TMEM272: variants seen among roughly 807,000 people sequenced by gnomAD.
TMEM272 encodes transmembrane protein 272, also known as long intergenic non-protein coding RNA 282.
In TMEM272, 8 loss-of-function variants were observed where a neutral mutation model predicts 3.7. The observed-to-expected ratio is 2.17, with a 90% CI of 1.27 to 3.91. The LOEUF is 3.91. Among genes scored for constraint, TMEM272 ranks in the 30% most tolerant of loss-of-function variants. The pLI, the probability that TMEM272 is intolerant of heterozygous loss-of-function variation, is 0.00. For missense variants in TMEM272, 166 were observed against 91.5 expected, an observed-to-expected ratio of 1.81 and a Z score of -3.32; for synonymous variants, 63 against 39.8, an observed-to-expected ratio of 1.58 and a Z score of -2.20.
chr13:51,869,407 C>G, the TMEM272 span, among the ~76,000 whole-genome samples: 1 of 152,176 alleles, frequency 6.6e-6, no homozygotes, highest in South Asian at 2.1e-4. Flanking sequence ...GCTAGCTCCA[C>G]CCTTGTCCCT....
the TMEM272 span, among the ~76,000 whole-genome samples, chr13:51,924,910 G>T: frequency 6.6e-6 from 1 of 152,162 alleles, no homozygotes; most frequent in Non-Finnish European, 1.5e-5. Context: ...ATTGTGGGAG[G>T]AGAGATTCTG....
chr13:51,894,731 A>C, the TMEM272 span, among the ~76,000 whole-genome samples: 8 of 152,036 alleles, frequency 5.3e-5, no homozygotes, highest in African/African-American at 1.7e-4. Flanking sequence ...GTGGAAGACA[A>C]TTTTTCCATG....
At chr13:51,899,130 C>T in the TMEM272 span, among the ~76,000 whole-genome samples, 2 of 152,126 alleles carry the variant, frequency 1.3e-5, no homozygotes, top group African/African-American at 2.4e-5. Context: ...CCACAAAACA[C>T]GCTTTCAGAA....
chr13:51,926,813 T>G, the TMEM272 span, among the ~76,000 whole-genome samples: 1 of 152,182 alleles, frequency 6.6e-6, no homozygotes, highest in African/African-American at 2.4e-5. Context: ...CATTACTAGA[T>G]CATTCTGTGA....
intron 2 of TMEM272, among the ~76,000 whole-genome samples, chr13:51,832,205 G>T (rs1956178779): frequency 1.3e-5 from 2 of 152,284 alleles, no homozygotes; most frequent in African/African-American, 4.8e-5. Context: ...GCCCGTGATT[G>T]TCAGAGGGAG....
the TMEM272 span, among the ~76,000 whole-genome samples, chr13:51,881,456 T>C: frequency 2.6e-5 from 4 of 151,174 alleles, no homozygotes; most frequent in South Asian, 2.1e-4. Context: ...TGATGGAAAA[T>C]AGAAAGAGGA....
At chr13:51,821,002 T>C (rs80193825) in intron 4 of TMEM272, among the ~76,000 whole-genome samples, 1,749 of 152,328 alleles carry the variant, frequency 0.011, 38 homozygotes, top group African/African-American at 0.04. Flanking sequence ...GAGTTGAGCT[T>C]GTGGCTACCA....
At chr13:51,898,308 A>C in the TMEM272 span, among the ~76,000 whole-genome samples, 1 of 152,074 alleles carries the variant, frequency 6.6e-6, no homozygotes, top group Admixed American at 6.5e-5. Flanking sequence ...GAAATACAAG[A>C]AACTCCTGGG....
the TMEM272 span, among the ~76,000 whole-genome samples, chr13:51,901,349 T>C: frequency 6.6e-6 from 1 of 151,612 alleles, no homozygotes; most frequent in African/African-American, 2.4e-5. Flanking sequence ...TGGTCTAGAG[T>C]TCAATGCAGA....
chr13:51,865,774 T>A, the TMEM272 span: 7 of 1,614,094 alleles, frequency 4.3e-6, no homozygotes, highest in East Asian at 1.6e-4. Context: ...GGAAGGAGGA[T>A]AAGGCCTTCT....
chr13:51,900,619 A>G, the TMEM272 span, among the ~76,000 whole-genome samples: 1 of 152,214 alleles, frequency 6.6e-6, no homozygotes, highest in Admixed American at 6.5e-5. Context: ...TGTCTCTCCA[A>G]GAGAAATGAA....
At chr13:51,897,362 ATTTTTTTTT>A in the TMEM272 span, among the ~76,000 whole-genome samples, 14 of 82,442 alleles carry the variant, frequency 1.7e-4, no homozygotes, top group East Asian at 1.1e-3. Context: ...TGTCTGGCTA[ATTTTTTTTT>A]TTTTTTTTTT....
At chr13:51,909,431 T>C in the TMEM272 span, 2 of 869,248 alleles carry the variant, frequency 2.3e-6, no homozygotes, top group Admixed American at 1.8e-5. Context: ...CTACTATTAA[T>C]TTCCTGTAGA....
chr13:51,899,387 A>G, the TMEM272 span, among the ~76,000 whole-genome samples: 1 of 152,250 alleles, frequency 6.6e-6, no homozygotes, highest in East Asian at 1.9e-4. Flanking sequence ...AGAAAAGGGT[A>G]TAGCGACTGA....
the TMEM272 span, chr13:51,933,045 C>G: frequency 3.9e-5 from 6 of 152,258 alleles, no homozygotes; most frequent in African/African-American, 1.4e-4. Context: ...CCTGCAAAAA[C>G]TATATGTAAA....
At chr13:51,863,443 T>A in the TMEM272 span, among the ~76,000 whole-genome samples, 5 of 152,280 alleles carry the variant, frequency 3.3e-5, no homozygotes, top group Admixed American at 6.5e-5. Context: ...ACAGGCATCC[T>A]GGCCTGACCT....
At chr13:51,868,430 C>G in the TMEM272 span, among the ~76,000 whole-genome samples, 1 of 152,220 alleles carries the variant, frequency 6.6e-6, no homozygotes, top group Non-Finnish European at 1.5e-5. Context: ...AAAAGGAAAC[C>G]TAAGGATAAG....
chr13:51,913,476 G>A, the TMEM272 span, among the ~76,000 whole-genome samples: 2 of 152,212 alleles, frequency 1.3e-5, no homozygotes, highest in East Asian at 1.9e-4. Flanking sequence ...GTGACAACGT[G>A]TGCTTACTGA....
chr13:51,916,866 C>A, the TMEM272 span, among the ~76,000 whole-genome samples: 1 of 152,220 alleles, frequency 6.6e-6, no homozygotes, highest in Non-Finnish European at 1.5e-5. Flanking sequence ...TCCTCCACCC[C>A]GTGAGCATTC....
Sources: gnomAD v4.1 joint callset for allele counts (sites outside exome capture counted in the v4.1 genomes callset) on GRCh38, gnomAD v4.1.1 for gene constraint, MANE v1.5 for transcripts, NCBI Gene and HGNC (gene_info 2026-07-23, HGNC 2026-07-21) for gene names.